Variants in DAB1 observed in about 807,000 individuals in gnomAD.
The protein encoded by DAB1 is DAB adaptor protein 1, also known as disabled homolog 1.
A neutral mutation model predicts 64.6 loss-of-function variants in DAB1; 15 were observed. The observed-to-expected ratio is 0.23, with a 90% CI of 0.16 to 0.36. DAB1 has a LOEUF of 0.36. Ranked by LOEUF, DAB1 falls within the 10% of genes least tolerant of loss-of-function variation. The pLI is 1.00. For synonymous variants in DAB1, 235 were observed against 251.9 expected (o/e 0.93, Z 0.64); for missense variants, 596 against 706.7 (o/e 0.84, Z 1.78).
chr1:58,148,281 C>T (rs1654723936), intron 5 of DAB1, among the ~76,000 whole-genome samples: 1 of 152,170 alleles, frequency 6.6e-6, no homozygotes, highest in Non-Finnish European at 1.5e-5. Context: ...CACTCTCTCA[C>T]CCCTACAGGG....
At chr1:58,447,100 G>C (rs1448814245) in intron 3 of DAB1, among the ~76,000 whole-genome samples, 2 of 152,220 alleles carry the variant, frequency 1.3e-5, no homozygotes, top group Admixed American at 6.5e-5. Context: ...CAGGTGGCCA[G>C]ATTCCTCCAT....
intron 5 of DAB1, among the ~76,000 whole-genome samples, chr1:57,903,667 C>T (rs144392757): frequency 4.8e-4 from 73 of 152,220 alleles, no homozygotes; most frequent in African/African-American, 1.5e-3. Flanking sequence ...GTCTTCACAC[C>T]AGAGGCTAAG....
In DAB1 at chr1:57,569,215, C is replaced by T. The variant is rs1183227458; in HGVS notation, n.625+80377G>A. ...CGGAGCCTGCAGTGAGCCGAGATTG[C>T]GCCACTGCACTCCAGCCTGGGCGAC... On this transcript the variant is annotated intron_variant and non_coding_transcript_variant, in intron 7 of 20. Coordinates refer to the DAB1 transcript ENST00000485760. Among the ~76,000 whole-genome samples the T allele has an allele frequency of 1.3e-4, 18 of 138,090 alleles. 1 individual carries two copies. The highest frequency in any genetic ancestry group is 8.5e-4 in the Admixed American group (11 of 12,936). 90.6% of individuals were successfully genotyped at this position (138,090 alleles called of 152,430 possible).
intron 6 of DAB1, among the ~76,000 whole-genome samples, chr1:57,791,725 T>C (rs1407886316): frequency 6.6e-6 from 1 of 152,144 alleles, no homozygotes; most frequent in African/African-American, 2.4e-5. Flanking sequence ...GCTCATTGTG[T>C]GCCTGAGACC....
At chr1:57,451,069 G>A (rs1001078219) in intron 7 of DAB1, among the ~76,000 whole-genome samples, 2 of 152,214 alleles carry the variant, frequency 1.3e-5, no homozygotes, top group Non-Finnish European at 2.9e-5. Flanking sequence ...CAATGGACTT[G>A]TTAAATCCTT....
At chr1:57,157,159 A>G (rs568627142) in intron 2 of DAB1, among the ~76,000 whole-genome samples, 94 of 152,300 alleles carry the variant, frequency 6.2e-4, no homozygotes, top group African/African-American at 2.2e-3. Flanking sequence ...CTATTATCTT[A>G]TCTCTCCCAC....
chr1:58,472,052 C>G (rs756579627), intron 3 of DAB1, among the ~76,000 whole-genome samples: 2 of 152,194 alleles, frequency 1.3e-5, no homozygotes, highest in Non-Finnish European at 2.9e-5. Flanking sequence ...TAAATGTTAA[C>G]TATTACTATT....
chr1:57,733,372 T>G (rs943370792), intron 6 of DAB1, among the ~76,000 whole-genome samples: 1 of 152,030 alleles, frequency 6.6e-6, no homozygotes, highest in Non-Finnish European at 1.5e-5. Flanking sequence ...CAGGGATCTG[T>G]AGCTGTTTCA....
In DAB1 at chr1:57,871,319, T is replaced by A. The variant is rs1643945218; in HGVS notation, n.87+12680A>T. Among the ~76,000 whole-genome samples, 5 of 152,132 alleles carry A rather than the reference T, an allele frequency of 3.3e-5. 1 individual carries two copies. Among genetic ancestry groups the A allele is most frequent in the Admixed American group, 3.3e-4 (5 of 15,272 alleles). On this transcript the variant is annotated intron_variant and non_coding_transcript_variant, in intron 1 of 1. Coordinates refer to the DAB1 transcript ENST00000477280. ...GTTTCATGGGTATCTGGTGCTGTTTTAAATCCTTCAAGTGAATTGATTTAT... is the reference window on the plus strand; with the variant it reads ...GTTTCATGGGTATCTGGTGCTGTTTAAAATCCTTCAAGTGAATTGATTTAT...
chr1:57,337,038 T>C (rs1372730380), intron 1 of DAB1, among the ~76,000 whole-genome samples: 1 of 152,180 alleles, frequency 6.6e-6, no homozygotes, highest in Admixed American at 6.5e-5. Flanking sequence ...TCTTCAACTG[T>C]TCAGTGTCCT....
At chr1:57,152,315 T>C (rs1659764877) in intron 2 of DAB1, among the ~76,000 whole-genome samples, 1 of 152,230 alleles carries the variant, frequency 6.6e-6, no homozygotes, top group South Asian at 2.1e-4. Context: ...TCTGCTCTGA[T>C]ACACCTGCTT....
intron 6 of DAB1, among the ~76,000 whole-genome samples, chr1:57,775,478 C>A (rs1286397383): frequency 3.3e-5 from 5 of 151,520 alleles, no homozygotes; most frequent in African/African-American, 7.3e-5. Flanking sequence ...CATTGTAATG[C>A]ACTTTAGTTT....
intron 5 of DAB1, among the ~76,000 whole-genome samples, chr1:57,980,468 C>T (rs997023275): frequency 1.3e-5 from 2 of 152,270 alleles, no homozygotes; most frequent in East Asian, 1.9e-4. Flanking sequence ...ATCTCTTAGC[C>T]ACCAATTAGT....
chr1:57,285,824 T>A (rs1033537302), intron 2 of DAB1, among the ~76,000 whole-genome samples: 1 of 152,184 alleles, frequency 6.6e-6, no homozygotes, highest in African/African-American at 2.4e-5. Context: ...GAAATATCTA[T>A]CTGTTCATCA....
At chr1:57,376,427 T>C (rs1680901757) in intron 1 of DAB1, among the ~76,000 whole-genome samples, 1 of 152,246 alleles carries the variant, frequency 6.6e-6, no homozygotes, top group African/African-American at 2.4e-5. Flanking sequence ...CTTTTGTTTC[T>C]GACCATACTA....
chr1:58,154,486 T>A (rs565734226), intron 4 of DAB1, among the ~76,000 whole-genome samples: 1 of 150,972 alleles, frequency 6.6e-6, no homozygotes, highest in African/African-American at 2.4e-5. Context: ...ATTCATTCAT[T>A]AGCAATGTGC....
chr1:58,207,294 T>C (rs1041159754), intron 4 of DAB1, among the ~76,000 whole-genome samples: 3 of 152,162 alleles, frequency 2.0e-5, no homozygotes, highest in African/African-American at 4.8e-5. Context: ...TTTTCAAATG[T>C]AGTGAGGACG....
intron 5 of DAB1, among the ~76,000 whole-genome samples, chr1:58,142,069 G>A (rs892660656): frequency 3.9e-5 from 6 of 151,918 alleles, no homozygotes; most frequent in Non-Finnish European, 5.9e-5. Flanking sequence ...TTCATGAGCC[G>A]ATGCTGCTTC....
chr1:57,658,465 G>T (rs868851744), intron 6 of DAB1, among the ~76,000 whole-genome samples: 2 of 150,960 alleles, frequency 1.3e-5, no homozygotes, highest in Non-Finnish European at 3.0e-5. Flanking sequence ...CACCATGCCC[G>T]GCTAATTTTT....
Sources: allele counts gnomAD v4.1 joint callset (sites outside exome capture counted in the v4.1 genomes callset), GRCh38; gene constraint gnomAD v4.1.1; transcripts MANE v1.5; gene names NCBI Gene and HGNC (gene_info 2026-07-23, HGNC 2026-07-21).